Variants in SZRD1 observed in about 807,000 individuals in gnomAD.
SZRD1 encodes SUZ RNA binding domain containing 1, also known as SUZ RNA-binding domain-containing.
Under a neutral mutation model 17.6 loss-of-function variants are expected in SZRD1, and 7 were observed. That is an observed-to-expected ratio of 0.40 (90% CI 0.23 to 0.75). The LOEUF is 0.75. SZRD1 is among the 30% of genes least tolerant of loss of function. SZRD1 has a pLI of 0.38. For synonymous variants in SZRD1, 77 were observed against 77.9 expected, an observed-to-expected ratio of 0.99 and a Z score of 0.06; for missense variants, 178 against 201.8, an observed-to-expected ratio of 0.88 and a Z score of 0.71.
At chr1:16,392,323 G>A (rs1031873297) in intron 2 of SZRD1, among the ~76,000 whole-genome samples, 1 of 152,168 alleles carries the variant, frequency 6.6e-6, no homozygotes, top group African/African-American at 2.4e-5. Flanking sequence ...AGAGAAGCTG[G>A]TTGACTGCTC....
At chr1:16,385,348 TGA>T (rs2083171394) in intron 1 of SZRD1, among the ~76,000 whole-genome samples, 1 of 152,080 alleles carries the variant, frequency 6.6e-6, no homozygotes, top group Admixed American at 6.5e-5. Context: ...GTAACAGGTG[TGA>T]GTTTGTTCAC....
At chr1:16,383,712 T>C (rs1262583140) in intron 1 of SZRD1, among the ~76,000 whole-genome samples, 2 of 150,388 alleles carry the variant, frequency 1.3e-5, no homozygotes, top group African/African-American at 2.5e-5. Flanking sequence ...CTCTGCCTCC[T>C]GGGTTCAAGC....
intron 1 of SZRD1, chr1:16,367,620 T>A: frequency 2.2e-6 from 1 of 447,678 alleles, no homozygotes; most frequent in Non-Finnish European, 4.0e-6. Flanking sequence ...TGGGCCTCTG[T>A]GACTCTTTCC....
intron 1 of SZRD1, among the ~76,000 whole-genome samples, chr1:16,370,821 TTGTC>T (rs2082902337): frequency 6.6e-6 from 1 of 152,020 alleles, no homozygotes; most frequent in Non-Finnish European, 1.5e-5. Flanking sequence ...TTTTAATAGT[TTGTC>T]TGGGCTTATA....
intron 1 of SZRD1, among the ~76,000 whole-genome samples, chr1:16,368,267 C>T (rs1269241115): frequency 6.6e-6 from 1 of 152,164 alleles, no homozygotes; most frequent in Non-Finnish European, 1.5e-5. Flanking sequence ...GCTGCACTGA[C>T]ATCCACCTTA....
In SZRD1 at chr1:16,395,235, G is replaced by A. The variant is rs766235313; in HGVS notation, c.*95G>A. On this transcript the variant is annotated 3_prime_UTR_variant, in exon 4 of 4. Coordinates refer to ENST00000401088, the MANE Select transcript of SZRD1 (RefSeq NM_001114600.3). ...TGCCGTGGCAGACAGCTGGACTTGA[G>A]CAGAGGGAACGACCTGACTTACTTG... is the stretch of plus-strand genomic sequence containing the variant. 10 of 872,658 alleles carry A rather than the reference G, an allele frequency of 1.1e-5. No homozygotes were observed. Among genetic ancestry groups the A allele is most frequent in the Non-Finnish European group, 1.5e-5 (8 of 517,098 alleles). The allele number at this position is 872,658 out of a possible 1,614,324, so 54.1% of individuals were successfully genotyped here. A position where few individuals can be genotyped will look rare whatever the true frequency, so the allele number is the denominator to read the frequency against.
intron 1 of SZRD1, chr1:16,387,524 T>C (rs760347364): frequency 6.6e-6 from 3 of 456,736 alleles, no homozygotes; most frequent in South Asian, 4.6e-5. Flanking sequence ...CTGCCAAAGC[T>C]TGTTGGCCGT....
chr1:16,382,433 C>G (rs1428308937), intron 1 of SZRD1, among the ~76,000 whole-genome samples: 1 of 151,578 alleles, frequency 6.6e-6, no homozygotes, highest in Non-Finnish European at 1.5e-5. Context: ...GGTGATCCGC[C>G]CACTTCGGCC....
In SZRD1 at chr1:16,391,401, A is replaced by G; in HGVS notation, c.78A>G (p.Lys26=). The G allele has an allele frequency of 1.3e-6, 2 of 1,549,434 alleles. No homozygotes were observed. Among genetic ancestry groups the G allele is most frequent in the Non-Finnish European group, 1.7e-6 (2 of 1,146,606 alleles). The part of the protein sequence containing the change: ...SGEIDRRLEK[K]LKITQKESRK... Reference sequence around the variant, plus strand: ...AAATAGACAGACGGTTGGAAAAAAAACTGAAGATCACACAAAAAGAGAGGT... The same window carrying G: ...AAATAGACAGACGGTTGGAAAAAAAGCTGAAGATCACACAAAAAGAGAGGT... The change falls in exon 2 of 4, where the codon AAA becomes AAG. Residue 26 remains lysine (K), a synonymous_variant. Coordinates refer to ENST00000401088, the MANE Select transcript of SZRD1 (RefSeq NM_001114600.3). The surrounding 1 kb of genome is among the most constrained non-coding windows in gnomAD (Gnocchi z 4.3).
At chr1:16,367,542 T>TCACCCGGGGCGCCCCACCCGC (rs1399111578) in intron 1 of SZRD1, among the ~76,000 whole-genome samples, 5 of 152,254 alleles carry the variant, frequency 3.3e-5, no homozygotes, top group East Asian at 3.9e-4. Flanking sequence ...AACGCGCGCG[T>TCACCCGGGGCGCCCCACCCGC]CACCCGGGGC....
intron 1 of SZRD1, among the ~76,000 whole-genome samples, chr1:16,376,219 C>T (rs2083000833): frequency 6.6e-6 from 1 of 152,202 alleles, no homozygotes; most frequent in South Asian, 2.1e-4. Flanking sequence ...AATTTGTTTA[C>T]ATTTGCTTCT....
chr1:16,368,149 CTTAGATTTGTGAATAATT>C (rs2082854692), intron 1 of SZRD1: 1 of 152,180 alleles, frequency 6.6e-6, no homozygotes, highest in African/African-American at 2.4e-5. Flanking sequence ...TGTCAATTCT[CTTAGATTTGTGAATAATT>C]TGGTCTTTTC....
intron 1 of SZRD1, among the ~76,000 whole-genome samples, chr1:16,377,022 G>T (rs1218906484): frequency 1.3e-5 from 2 of 152,032 alleles, no homozygotes; most frequent in African/African-American, 4.8e-5. Flanking sequence ...GCTGTTGGCT[G>T]CTCTCTGCTG....
chr1:16,374,645 G>C (rs2082969153), intron 1 of SZRD1, among the ~76,000 whole-genome samples: 1 of 152,154 alleles, frequency 6.6e-6, no homozygotes, highest in Non-Finnish European at 1.5e-5. Context: ...CCAGGGGCCA[G>C]CCCTTTCCAG....
At position 16,373,596 on chromosome 1, in the gene SZRD1, C is replaced by A. The variant is rs1032136497; in HGVS notation, c.51+6288C>A. ...CTCCGTCTCAAAAAAAAAAAAAAAA[C>A]AAAACACGTTTTTTTTTTTTGAGAC... On this transcript the variant is annotated intron_variant, in intron 1 of 3. Transcript: ENST00000401088. 6.3e-3 allele frequency among the ~76,000 whole-genome samples: 908 copies of A among 143,496 alleles called. 6 individuals carry two copies. The highest frequency in any genetic ancestry group is 0.017 in the African/African-American group (650 of 38,774). The allele number at this position is 143,496 out of a possible 152,430, so 94.1% of individuals were successfully genotyped here.
intron 1 of SZRD1, among the ~76,000 whole-genome samples, chr1:16,379,899 T>TA (rs1005754210): frequency 1.3e-5 from 2 of 152,076 alleles, no homozygotes; most frequent in Admixed American, 6.6e-5. Flanking sequence ...TAGGTGGGAT[T>TA]ACAGGCGCCA....
intron 1 of SZRD1, among the ~76,000 whole-genome samples, chr1:16,375,800 T>A (rs2082993014): frequency 6.6e-6 from 1 of 152,028 alleles, no homozygotes; most frequent in South Asian, 2.1e-4. Flanking sequence ...GGCGATTAGA[T>A]GAGATTGTAT....
At chr1:16,390,106 G>T (rs1332602372) in intron 1 of SZRD1, among the ~76,000 whole-genome samples, 1 of 152,234 alleles carries the variant, frequency 6.6e-6, no homozygotes, top group African/African-American at 2.4e-5. Flanking sequence ...GAAAAACACA[G>T]AATTTTGCAT....
chr1:16,380,817 G>A (rs987307122), intron 1 of SZRD1, among the ~76,000 whole-genome samples: 1 of 152,182 alleles, frequency 6.6e-6, no homozygotes, highest in Middle Eastern at 3.4e-3. Flanking sequence ...ATTTTGGCCA[G>A]GCTGGTCTCG....
Sources: allele counts gnomAD v4.1 joint callset (sites outside exome capture counted in the v4.1 genomes callset), GRCh38; gene constraint gnomAD v4.1.1; non-coding constraint Gnocchi (gnomAD v3.1); transcripts MANE v1.5; gene names NCBI Gene and HGNC (gene_info 2026-07-23, HGNC 2026-07-21).